TEKT4: variants seen among roughly 807,000 people sequenced by gnomAD.
TEKT4 encodes tektin 4.
In TEKT4, 46 loss-of-function variants were observed where a neutral mutation model predicts 46.0. That is an observed-to-expected ratio of 1.00 (90% confidence interval 0.79 to 1.28). TEKT4 has a LOEUF of 1.28. Ranked by LOEUF, TEKT4 falls within the 50% of genes most tolerant of loss-of-function variation. The probability of loss-of-function intolerance (pLI) is 0.00; values close to 1 mark genes in which losing one functional copy is unlikely to be tolerated. For missense variants in TEKT4, 790 were observed against 622.9 expected (o/e 1.27, Z -2.85); for synonymous variants, 325 against 265.8 (o/e 1.22, Z -2.17).
intron 5 of TEKT4, 53 bp downstream of exon 5, chr2:94,875,795 T>C: frequency 1.9e-6 from 3 of 1,565,578 alleles, no homozygotes; most frequent in Middle Eastern, 1.8e-4. Context: ...ACCTCCTCCC[T>C]GTGACTCTCT....
chr2:94,873,270 C>A (rs114103461), intron 1 of TEKT4: 1 of 1,361,074 alleles, frequency 7.3e-7, no homozygotes, highest in Non-Finnish European at 9.5e-7. Context: ...GTGGGAACTG[C>A]CGCTGAGGGA....
At chr2:94,874,732 G>A (rs1680753369) in intron 3 of TEKT4, 44 bp from the exon 4 acceptor site, 9 of 1,492,420 alleles carry the variant, frequency 6.0e-6, no homozygotes, top group Admixed American at 2.1e-5. Flanking sequence ...CCAGCCTTCG[G>A]CAGAGCCTCC....
chr2:94,873,316 A>T, intron 1 of TEKT4: 6 of 1,426,068 alleles, frequency 4.2e-6, no homozygotes, highest in Non-Finnish European at 5.5e-6. Flanking sequence ...CTGGAGGAAA[A>T]CACCCCACTT....
At chr2:94,873,856 C>T in intron 2 of TEKT4, 109 bp from the exon 3 acceptor site, 2 of 1,487,350 alleles carry the variant, frequency 1.3e-6, no homozygotes, top group East Asian at 2.4e-5. Flanking sequence ...GACAGGCCCA[C>T]CCAGAACTCC....
At chr2:94,875,156 C>G (rs1447755009) in intron 4 of TEKT4, among the ~76,000 whole-genome samples, 158 bp downstream of exon 4, 3 of 152,340 alleles carry the variant, frequency 2.0e-5, no homozygotes, top group East Asian at 3.9e-4. Flanking sequence ...GTATGATCGA[C>G]CGGTGTTGCC....
rs374595425 is a variant in TEKT4 at position 94,876,574 on chromosome 2, G to A, written c.1113G>A (p.Glu371=). ...AQFRLLSEVE[E]LNMSLTALRE... ...CCAGGCTGTTGAGTGAGGTGGAGGA[G>A]CTGAACATGTCCCTCACAGCACTGC... Residue 371 remains glutamate, a synonymous_variant, in exon 6 of 6, where the codon GAG becomes GAA. Coordinates refer to ENST00000295201, the MANE Select transcript of TEKT4 (RefSeq NM_144705.4). 1.7e-5 allele frequency: 28 copies of A among 1,609,494 alleles called. No homozygotes were observed. In the East Asian group the frequency reaches 3.3e-4, roughly 19 times the overall value.
chr2:94,874,478 G>A (rs1461626519), intron 3 of TEKT4, among the ~76,000 whole-genome samples: 6 of 151,784 alleles, frequency 4.0e-5, no homozygotes, highest in African/African-American at 1.2e-4. Context: ...GCGGGGGCCG[G>A]AGGTGCTGCA....
rs782765728 is a variant in TEKT4 at position 94,873,031 on chromosome 2, C to T, written c.499-489C>T. On this transcript the variant is annotated intron_variant, in intron 1 of 5. Transcript: ENST00000295201. ...CCCAATCACAGAGAAAAGGCTTGTT[C>T]CTACACACAGCAAATTAAACTGGCC... 7.8e-6 allele frequency: 10 copies of T among 1,287,160 alleles called. 1 individual carries two copies. In the South Asian group the frequency reaches 8.7e-5, roughly 11 times the overall value. 79.7% of individuals were successfully genotyped at this position (1,287,160 alleles called of 1,614,324 possible).
chr2:94,872,872 T>C (rs112958776), intron 1 of TEKT4: 10 of 1,288,752 alleles, frequency 7.8e-6, no homozygotes, highest in Admixed American at 2.3e-5. Context: ...TCCCGCAAAC[T>C]CTCTGCCCGC....
intron 4 of TEKT4, 129 bp from the exon 5 acceptor site, chr2:94,875,458 TC>T: frequency 1.4e-6 from 2 of 1,404,888 alleles, no homozygotes; most frequent in Non-Finnish European, 1.9e-6. Flanking sequence ...CATCCACGCC[TC>T]CCCAGGGCCA....
At chr2:94,872,816 G>C in intron 1 of TEKT4, 1 of 1,289,322 alleles carries the variant, frequency 7.8e-7, no homozygotes, top group Non-Finnish European at 1.0e-6. Flanking sequence ...CCCTTCTGCA[G>C]GCCCTTCCCC....
At chr2:94,872,453 T>C (rs1573180956) in intron 1 of TEKT4, 1 of 348,490 alleles carries the variant, frequency 2.9e-6, no homozygotes, top group Non-Finnish European at 5.4e-6. Flanking sequence ...ACAGGTAAGG[T>C]GGGGTGGGCT....
Position 94,873,598 on chromosome 2 carries a change from G to A in TEKT4, c.569+8G>A, listed in dbSNP as rs201394568. 3.1e-6 allele frequency: 5 copies of A among 1,613,632 alleles called. No homozygotes were observed. The highest frequency in any genetic ancestry group is 4.5e-5 in the East Asian group (2 of 44,870). On this transcript the variant is annotated splice_region_variant and intron_variant, in intron 2 of 5. Transcript: ENST00000295201. ...AGCAGTGAGCCAGATCCGGTGGGTA[G>A]AGGGCTGCCCAAGGGATGATTCCTG...
intron 5 of TEKT4, 100 bp from the exon 6 acceptor site, chr2:94,876,453 T>A: frequency 9.9e-7 from 1 of 1,007,598 alleles, no homozygotes; most frequent in East Asian, 2.6e-5. Context: ...TCCCAGGACC[T>A]CCTGCCAGCT....
At chr2:94,873,910 C>A in intron 2 of TEKT4, 55 bp from the exon 3 acceptor site, 1 of 1,605,560 alleles carries the variant, frequency 6.2e-7, no homozygotes, top group Non-Finnish European at 8.5e-7. Flanking sequence ...CACAGAGGGT[C>A]CCCAGCAGGG....
At chr2:94,872,762 T>C (rs1680634499) in intron 1 of TEKT4, 1 of 1,250,914 alleles carries the variant, frequency 8.0e-7, no homozygotes, top group African/African-American at 1.5e-5. Context: ...GCAAGAACCC[T>C]TGAGTCCCTC....
rs1171068975 is a variant in TEKT4, at chr2:94,874,951, G to A, written c.889G>A (p.Glu297Lys). ...AVNLAFGRRC[E>K]ELEDARYKLH... The stretch of plus-strand genomic sequence containing the variant: ...GAACCTGGCCTTCGGGCGCCGCTGT[G>A]AGGAGCTGGAGGACGCGCGGTACAA... The change falls in exon 4 of 6, where the codon GAG (glutamate) becomes AAG (lysine). Residue 297 changes from glutamate (E) to lysine (K), a missense_variant. By Grantham distance (56) the Glu-to-Lys change is moderately conservative. Transcript: ENST00000295201. 37 of 1,611,280 alleles carry A rather than the reference G, an allele frequency of 2.3e-5. No individual in the cohort carries two copies. The highest frequency in any genetic ancestry group is 2.9e-5 in the Non-Finnish European group (34 of 1,179,556).
chr2:94,872,240 G>A (rs1680610875), intron 1 of TEKT4, 163 bp downstream of exon 1: 1 of 921,698 alleles, frequency 1.1e-6, no homozygotes, highest in Non-Finnish European at 1.6e-6. Flanking sequence ...TTAGTGACAG[G>A]AGGCAGCTTT....
chr2:94,874,970 G>T lies in TEKT4; in HGVS notation c.908G>T (p.Arg303Leu), dbSNP rs141655128. 1.1e-5 allele frequency: 17 copies of T among 1,608,748 alleles called. No homozygotes were observed. In the East Asian group the frequency reaches 1.1e-4, roughly 11 times the overall value. ...CGCTGTGAGGAGCTGGAGGACGCGCGGTACAAGCTGCATCACCACCTGCAC... is the reference window on the plus strand; with the variant it reads ...CGCTGTGAGGAGCTGGAGGACGCGCTGTACAAGCTGCATCACCACCTGCAC... ...GRRCEELEDA[R>L]YKLHHHLHKT... The change falls in exon 4 of 6, where the codon CGG becomes CTG. Residue 303 changes from arginine to leucine, a missense_variant. Physicochemically the swap from Arg to Leu is moderately radical, Grantham distance 102 (BLOSUM62 -2). Transcript: ENST00000295201.
Sources: allele counts gnomAD v4.1 joint callset (sites outside exome capture counted in the v4.1 genomes callset), GRCh38; gene constraint gnomAD v4.1.1; transcripts MANE v1.5; gene names NCBI Gene and HGNC (gene_info 2026-07-23, HGNC 2026-07-21).